RUBCN: variants seen among roughly 807,000 people sequenced by gnomAD.
RUBCN encodes the protein run domain Beclin-1-interacting and cysteine-rich domain-containing protein.
A neutral mutation model predicts 113.2 loss-of-function variants in RUBCN; 74 were observed. The ratio of observed to expected loss-of-function variants is 0.65; its 90% confidence interval spans 0.54 to 0.79. The LOEUF is 0.79. RUBCN is among the 30% of genes least tolerant of loss of function. The probability of loss-of-function intolerance (pLI) is 0.00; values close to 1 mark genes in which losing one functional copy is unlikely to be tolerated. For missense variants in RUBCN, 1,109 were observed against 1,251.7 expected, an observed-to-expected ratio of 0.89 and a Z score of 1.72; for synonymous variants, 480 against 490.0, an observed-to-expected ratio of 0.98 and a Z score of 0.27.
At chr3:197,687,016 A>T (rs971498628) in intron 11 of RUBCN, among the ~76,000 whole-genome samples, 1 of 152,256 alleles carries the variant, frequency 6.6e-6, no homozygotes, top group African/African-American at 2.4e-5. Context: ...TTGAACGATC[A>T]GAGAAGAGCT....
intron 1 of RUBCN, among the ~76,000 whole-genome samples, chr3:197,742,567 G>A (rs1235646483): frequency 6.6e-6 from 1 of 152,200 alleles, no homozygotes; most frequent in African/African-American, 2.4e-5. Flanking sequence ...CCCTGCCCCA[G>A]CTTCCTGCAA....
At chr3:197,708,992 A>T (rs1724645181) in intron 2 of RUBCN, among the ~76,000 whole-genome samples, 1 of 152,222 alleles carries the variant, frequency 6.6e-6, no homozygotes, top group African/African-American at 2.4e-5. Context: ...TATAAAAGAA[A>T]TTGAAACTGG....
intron 1 of RUBCN, among the ~76,000 whole-genome samples, chr3:197,747,158 G>T (rs1215845341): frequency 6.6e-6 from 1 of 151,890 alleles, no homozygotes; most frequent in Admixed American, 6.6e-5. Context: ...TCTGTTTTGT[G>T]TATGAAAAGA....
At chr3:197,733,373 T>C (rs1482305669) in intron 1 of RUBCN, among the ~76,000 whole-genome samples, 1 of 152,116 alleles carries the variant, frequency 6.6e-6, no homozygotes, top group Non-Finnish European at 1.5e-5. Context: ...TCCTAGCTAC[T>C]GAGGAGGCTG....
At chr3:197,718,221 T>C (rs1725766177) in intron 1 of RUBCN, 91 bp from the exon 2 acceptor site, 1 of 1,386,698 alleles carries the variant, frequency 7.2e-7, no homozygotes, top group Middle Eastern at 1.8e-4. Context: ...AGGAGCCTCC[T>C]GCCCCACATC....
upstream of RUBCN, among the ~76,000 whole-genome samples, chr3:197,738,794 G>T (rs1728373711): frequency 6.6e-6 from 1 of 151,322 alleles, no homozygotes; most frequent in South Asian, 2.1e-4. Flanking sequence ...GTCTCACTGT[G>T]CTGCCTAAGC....
chr3:197,680,018 A>C (rs566132325), intron 16 of RUBCN, among the ~76,000 whole-genome samples: 1 of 148,132 alleles, frequency 6.8e-6, no homozygotes, highest in African/African-American at 2.5e-5. Flanking sequence ...GTGCTCTGAC[A>C]ACTGGCTTCA....
chr3:197,682,997 C>T (rs1156585794), intron 13 of RUBCN, among the ~76,000 whole-genome samples: 1 of 152,212 alleles, frequency 6.6e-6, no homozygotes, highest in Non-Finnish European at 1.5e-5. Context: ...GCCTTAAAGA[C>T]AACTGCAGAG....
At chr3:197,692,439 A>G (rs1274324176) in intron 11 of RUBCN, among the ~76,000 whole-genome samples, 1 of 151,366 alleles carries the variant, frequency 6.6e-6, no homozygotes, top group African/African-American at 2.4e-5. Flanking sequence ...TGCCTTGGGG[A>G]AGGGGGTCGT....
At chr3:197,699,078 A>G in intron 7 of RUBCN, 2 of 783,908 alleles carry the variant, frequency 2.6e-6, no homozygotes, top group South Asian at 2.9e-5. Context: ...GCATCACAAC[A>G]AGACCAGGCT....
In RUBCN at chr3:197,675,422, CTTCACA is replaced by C. The variant is rs1231763572; in HGVS notation, c.2734_2739del (p.Cys912_Glu913del). 6.2e-7 allele frequency: 1 copy of C among 1,612,940 alleles called. No homozygotes were observed. Among genetic ancestry groups the C allele is most frequent in the African/African-American group, 1.3e-5 (1 of 74,920 alleles). ...GCCCGATGCCTGCACCTGCCCTCAC[CTTCACA>C]GGTCCGGCACTTATGGAGCTCAAAG... is the stretch of plus-strand genomic sequence containing the variant. On this transcript the variant is annotated inframe_deletion and splice_region_variant, in exon 19 of 20. Coordinates refer to ENST00000296343, the MANE Select transcript of RUBCN (RefSeq NM_014687.4). The surrounding 1 kb of genome is among the most constrained non-coding windows in gnomAD (Gnocchi z 4.4).
chr3:197,749,481 A>G, exon 1 of RUBCN: 1 of 1,277,590 alleles, frequency 7.8e-7, no homozygotes, highest in Non-Finnish European at 1.0e-6. Context: ...GGGAGGGGGG[A>G]GCTGGGATGC....
At chr3:197,739,339 C>T (rs1235634275), upstream of RUBCN, among the ~76,000 whole-genome samples, 3 of 140,288 alleles carry the variant, frequency 2.1e-5, no homozygotes, top group Non-Finnish European at 4.6e-5. Flanking sequence ...TGCAGTGAGC[C>T]GAGATCGTGC....
intron 1 of RUBCN, among the ~76,000 whole-genome samples, chr3:197,743,445 C>G (rs953102602): frequency 6.6e-6 from 1 of 152,114 alleles, no homozygotes; most frequent in Admixed American, 6.5e-5. Flanking sequence ...GTTGAATGAA[C>G]GAATAAATGA....
At chr3:197,726,838 C>T (rs1299892259) in intron 1 of RUBCN, among the ~76,000 whole-genome samples, 1 of 151,766 alleles carries the variant, frequency 6.6e-6, no homozygotes, top group Non-Finnish European at 1.5e-5. Flanking sequence ...TTTTAATAAG[C>T]AGGAAGAAAA....
At position 197,701,117 on chromosome 3, in the gene RUBCN, C is replaced by A; in HGVS notation, c.757G>T (p.Gly253Cys). 1 of 1,568,394 alleles carries A rather than the reference C, an allele frequency of 6.4e-7. No individual in the cohort carries two copies. The highest frequency in any genetic ancestry group is 8.6e-7 in the Non-Finnish European group (1 of 1,157,164). ...ERRSTSFPLS[G>C]PPRKPQESRG... is the part of the protein sequence containing the mutation. ...CTTTCTTGAGGTTTCCGGGGAGGGC[C>A]AGAGAGTGGAAAGGAAGTAGATCTT... The change falls in exon 7 of 20, where the codon GGC becomes TGC. Residue 253 changes from glycine (G) to cysteine (C), a missense_variant. By Grantham distance (159) the Gly-to-Cys change is radical (BLOSUM62 -3). Coordinates refer to ENST00000296343, the MANE Select transcript of RUBCN (RefSeq NM_014687.4).
intron 1 of RUBCN, among the ~76,000 whole-genome samples, chr3:197,727,404 CCT>C (rs1389251736): frequency 2.6e-5 from 4 of 152,170 alleles, no homozygotes; most frequent in Non-Finnish European, 4.4e-5. Flanking sequence ...CCATTTTCCC[CCT>C]GTGAACTTCC....
At chr3:197,717,413 C>G (rs1244135342) in intron 2 of RUBCN, among the ~76,000 whole-genome samples, 1 of 150,656 alleles carries the variant, frequency 6.6e-6, no homozygotes, top group Non-Finnish European at 1.5e-5. Context: ...CACCGCACTC[C>G]AGCCTGGGTG....
chr3:197,717,796 A>G (rs2108958654), intron 2 of RUBCN, among the ~76,000 whole-genome samples, 181 bp downstream of exon 2: 1 of 152,314 alleles, frequency 6.6e-6, no homozygotes, highest in Admixed American at 6.5e-5. Context: ...TATTCATTCC[A>G]TTAACATCTA....
Sources: gnomAD v4.1 joint callset for allele counts (sites outside exome capture counted in the v4.1 genomes callset) on GRCh38, gnomAD v4.1.1 for gene constraint, Gnocchi (gnomAD v3.1) non-coding constraint, MANE v1.5 for transcripts, NCBI Gene and HGNC (gene_info 2026-07-23, HGNC 2026-07-21) for gene names.